The following KMO variants were observed in gnomAD, a reference collection of about 807,000 sequenced individuals.
KMO encodes the protein kynurenine 3-hydroxylase.
Under a neutral mutation model 57.8 loss-of-function variants are expected in KMO, and 24 were observed. The observed-to-expected ratio is 0.42, with a 90% confidence interval of 0.30 to 0.58. The LOEUF is 0.58. Ranked by LOEUF, KMO falls within the 20% of genes least tolerant of loss-of-function variation. KMO has a pLI of 0.22. For missense variants in KMO, 483 were observed against 588.2 expected (o/e 0.82, Z 1.85); for synonymous variants, 210 against 193.6 (o/e 1.08, Z -0.70).
chr1:241,544,660 G>A (rs930588554), intron 1 of KMO, among the ~76,000 whole-genome samples: 1 of 152,144 alleles, frequency 6.6e-6, no homozygotes, highest in Admixed American at 6.6e-5. Flanking sequence ...TCTTTTTCAT[G>A]TGTGTTTTCT....
chr1:241,550,905 A>G (rs748764206), intron 3 of KMO, 50 bp from the exon 4 acceptor site: 2 of 818,716 alleles, frequency 2.4e-6, no homozygotes, highest in Non-Finnish European at 3.8e-6. Context: ...TCTTTCTTGC[A>G]TAATGCCATG....
At chr1:241,583,104 CA>C (rs1662820264) in intron 10 of KMO, among the ~76,000 whole-genome samples, 1 of 152,164 alleles carries the variant, frequency 6.6e-6, no homozygotes, top group African/African-American at 2.4e-5. Context: ...GGTTACTAGG[CA>C]AAGTATCTCA....
At chr1:241,534,531 C>T (rs893073603) in intron 1 of KMO, among the ~76,000 whole-genome samples, 4 of 152,244 alleles carry the variant, frequency 2.6e-5, no homozygotes, top group African/African-American at 9.6e-5. Context: ...CAAGTCCATG[C>T]TTACGCATCA....
intron 1 of KMO, among the ~76,000 whole-genome samples, chr1:241,543,314 G>A (rs892545180): frequency 3.9e-5 from 6 of 151,940 alleles, no homozygotes; most frequent in African/African-American, 7.3e-5. Flanking sequence ...ATGTATACAC[G>A]TACATATGAA....
intron 1 of KMO, among the ~76,000 whole-genome samples, chr1:241,545,406 C>A (rs1268284500): frequency 6.6e-6 from 1 of 152,144 alleles, no homozygotes; most frequent in African/African-American, 2.4e-5. Flanking sequence ...GCTAGAAGTC[C>A]AAAATCAAGG....
At chr1:241,561,780 T>A (rs1480922873) in intron 6 of KMO, among the ~76,000 whole-genome samples, 1 of 152,198 alleles carries the variant, frequency 6.6e-6, no homozygotes. Flanking sequence ...TCTTAAGCTT[T>A]TCTTCTAATA....
chr1:241,587,787 C>A (rs1029280078), intron 11 of KMO, among the ~76,000 whole-genome samples: 2 of 151,024 alleles, frequency 1.3e-5, no homozygotes, highest in Non-Finnish European at 2.9e-5. Context: ...TTATCTCTGT[C>A]AAATACTGAG....
chr1:241,578,897 A>G (rs1662641797), intron 10 of KMO, among the ~76,000 whole-genome samples: 1 of 152,082 alleles, frequency 6.6e-6, no homozygotes, highest in Admixed American at 6.6e-5. Context: ...ACATGGTAGC[A>G]GACAAGAGAA....
At chr1:241,564,002 A>G (rs1661980486) in intron 7 of KMO, among the ~76,000 whole-genome samples, 1 of 152,108 alleles carries the variant, frequency 6.6e-6, no homozygotes. Flanking sequence ...CCTCTTGCCT[A>G]TTGGACTGCA....
At chr1:241,570,965 C>T (rs1422922847) in intron 10 of KMO, among the ~76,000 whole-genome samples, 2 of 151,844 alleles carry the variant, frequency 1.3e-5, no homozygotes, top group East Asian at 1.9e-4. Context: ...CTTTCATCAA[C>T]GTTTTATAGT....
intron 4 of KMO, among the ~76,000 whole-genome samples, chr1:241,553,673 C>A (rs1430728285): frequency 6.6e-6 from 1 of 152,072 alleles, no homozygotes; most frequent in Non-Finnish European, 1.5e-5. Context: ...TGGGGAACAG[C>A]AAGACCCTGT....
chr1:241,564,316 G>A (rs929131520), intron 7 of KMO, among the ~76,000 whole-genome samples: 4 of 152,000 alleles, frequency 2.6e-5, no homozygotes, highest in African/African-American at 4.8e-5. Flanking sequence ...AAAAATGTGC[G>A]TCACTTGGGT....
chr1:241,579,381 G>A (rs530010229), intron 10 of KMO, among the ~76,000 whole-genome samples: 1 of 152,182 alleles, frequency 6.6e-6, no homozygotes, highest in South Asian at 2.1e-4. Context: ...GAGGGGTGAA[G>A]CCAGGTCAGA....
Position 241,555,687 on chromosome 1 carries a change from T to A in KMO, c.361+27T>A, listed in dbSNP as rs748411385. 6 of 1,416,760 alleles carry A rather than the reference T, an allele frequency of 4.2e-6. No individual in the cohort carries two copies. In the East Asian group the frequency reaches 1.1e-4, roughly 27 times the overall value. 87.8% of individuals were successfully genotyped at this position (1,416,760 alleles called of 1,614,324 possible). ...TAAGTCTAATGTTTGATTCATCAGT[T>A]GTCATTTTGAGTAAAGCACATGACA... On this transcript the variant is annotated intron_variant, in intron 5 of 14. Coordinates refer to ENST00000366559, the MANE Select transcript of KMO (RefSeq NM_003679.5).
At chr1:241,538,686 T>A (rs760199071) in intron 1 of KMO, among the ~76,000 whole-genome samples, 23 of 152,324 alleles carry the variant, frequency 1.5e-4, no homozygotes, top group Middle Eastern at 6.8e-3. Context: ...CTCTCATTAG[T>A]GGCCCATATC....
At chr1:241,586,884 C>A in intron 11 of KMO, 148 bp downstream of exon 11, 1 of 606,976 alleles carries the variant, frequency 1.6e-6, no homozygotes, top group Non-Finnish European at 2.9e-6. Context: ...ATAGTCTATG[C>A]CACCGTTTTC....
intron 12 of KMO, 83 bp from the exon 13 acceptor site, chr1:241,589,929 T>C: frequency 2.8e-6 from 3 of 1,059,014 alleles, no homozygotes; most frequent in Non-Finnish European, 4.4e-6. Flanking sequence ...TTGCGATGAG[T>C]GGGAATGAAG....
intron 7 of KMO, 48 bp from the exon 8 acceptor site, chr1:241,564,939 G>A (rs1458824984): frequency 8.4e-7 from 1 of 1,197,578 alleles, no homozygotes; most frequent in Admixed American, 1.8e-5. Flanking sequence ...CGTTTTATAG[G>A]TTTGCTATAT....
In KMO at chr1:241,594,676, A is replaced by C; in HGVS notation, c.*2523A>C. ...AGCAGTCGGAGGCACAGAAGCTGCA[A>C]AAGGGATCTTCGAAACTGGGCAGAG... On this transcript the variant is annotated 3_prime_UTR_variant, in exon 15 of 15. Coordinates refer to ENST00000366559, the MANE Select transcript of KMO (RefSeq NM_003679.5). 1 of 1,613,658 alleles carries C rather than the reference A, an allele frequency of 6.2e-7. No homozygotes were observed. The highest frequency in any genetic ancestry group is 8.5e-7 in the Non-Finnish European group (1 of 1,179,850).
Sources: allele counts gnomAD v4.1 joint callset (sites outside exome capture counted in the v4.1 genomes callset), GRCh38; gene constraint gnomAD v4.1.1; transcripts MANE v1.5; gene names NCBI Gene and HGNC (gene_info 2026-07-23, HGNC 2026-07-21).